The following LONP2 variants were observed in gnomAD, a reference collection of about 807,000 sequenced individuals.
LONP2 encodes lon protease homolog 2, peroxisomal.
A neutral mutation model predicts 85.6 loss-of-function variants in LONP2; 60 were observed. That is an observed-to-expected ratio of 0.70 (90% confidence interval 0.57 to 0.87). The LOEUF (loss-of-function observed/expected upper bound fraction) is 0.87, where lower values mean the gene tolerates loss of function less well. Ranked by LOEUF, LONP2 falls within the 40% of genes least tolerant of loss-of-function variation. LONP2 has a pLI of 0.00. For missense variants in LONP2, 860 were observed against 1,063.5 expected (o/e 0.81, Z 2.66); for synonymous variants, 395 against 389.7 (o/e 1.01, Z -0.16).
rs1292681577 is a variant in LONP2, at chr16:48,277,381, T to G, written c.1285T>G (p.Leu429Val). 1 of 1,613,656 alleles carries G rather than the reference T, an allele frequency of 6.2e-7. No homozygotes were observed. Among genetic ancestry groups the G allele is most frequent in the South Asian group, 1.1e-5 (1 of 91,058 alleles). ...GSMPGRIING[L>V]KTVGVNNPVF... Reference sequence around the variant, plus strand: ...CATGCCTGGTCGCATCATCAACGGCTTGAAGACTGTGGGAGTGAACAACCC... The same window carrying G: ...CATGCCTGGTCGCATCATCAACGGCGTGAAGACTGTGGGAGTGAACAACCC... The change falls in exon 8 of 15, where the codon TTG becomes GTG. Residue 429 changes from leucine (L) to valine (V), a missense_variant. Around this residue, in one of 3 missense-constraint regions of LONP2, gnomAD observed 743 missense variants for 917.3 expected, o/e 0.81. Coordinates refer to ENST00000285737, the MANE Select transcript of LONP2 (RefSeq NM_031490.5).
chr16:48,328,814 C>T (rs1354217519), intron 11 of LONP2, among the ~76,000 whole-genome samples: 2 of 147,284 alleles, frequency 1.4e-5, no homozygotes, highest in African/African-American at 5.1e-5. Context: ...CACTACGCTC[C>T]AGCCTCTGTC....
At chr16:48,340,280 C>T (rs1041457048) in intron 12 of LONP2, among the ~76,000 whole-genome samples, 4 of 152,140 alleles carry the variant, frequency 2.6e-5, no homozygotes, top group African/African-American at 4.8e-5. Context: ...AGCATGTGCA[C>T]GTTATCACAG....
chr16:48,304,284 T>G (rs1972866677), intron 11 of LONP2, among the ~76,000 whole-genome samples: 1 of 152,256 alleles, frequency 6.6e-6, no homozygotes, highest in African/African-American at 2.4e-5. Flanking sequence ...TGTAATAATT[T>G]TTCACACATT....
intron 11 of LONP2, among the ~76,000 whole-genome samples, chr16:48,330,478 A>C (rs895815217): frequency 2.0e-5 from 3 of 152,246 alleles, no homozygotes; most frequent in African/African-American, 7.2e-5. Flanking sequence ...GACAGAGAAC[A>C]TGGTACTAGG....
At position 48,352,957 on chromosome 16, in the gene LONP2, A is replaced by G. The variant is rs1364302130; in HGVS notation, c.*1155A>G. On this transcript the variant is annotated 3_prime_UTR_variant, in exon 15 of 15. Coordinates refer to ENST00000285737, the MANE Select transcript of LONP2 (RefSeq NM_031490.5). ...GCCCATGTGCTCCTGCTGGGACTCAATTCAGGCTATGTATGACTATGAAGT... is the reference window on the plus strand; with the variant it reads ...GCCCATGTGCTCCTGCTGGGACTCAGTTCAGGCTATGTATGACTATGAAGT... 2 of 152,202 alleles carry G rather than the reference A, an allele frequency of 1.3e-5. No homozygotes were observed. The highest frequency in any genetic ancestry group is 1.9e-4 in the East Asian group (1 of 5,186). The allele number at this position is 152,202 out of a possible 1,614,324, so 9.4% of individuals were successfully genotyped here. A position where few individuals can be genotyped will look rare whatever the true frequency, so the allele number is the denominator to read the frequency against.
intron 3 of LONP2, among the ~76,000 whole-genome samples, 183 bp from the exon 4 acceptor site, chr16:48,258,435 A>G (rs1203759834): frequency 6.6e-6 from 1 of 151,854 alleles, no homozygotes; most frequent in East Asian, 1.9e-4. Flanking sequence ...AAGGATTCTG[A>G]TATTCATCTC....
intron 2 of LONP2, among the ~76,000 whole-genome samples, chr16:48,254,075 G>A (rs1236543024): frequency 6.6e-6 from 1 of 152,024 alleles, no homozygotes; most frequent in Admixed American, 6.6e-5. Flanking sequence ...TAGTTCTTCT[G>A]TCTTGAACCT....
intron 11 of LONP2, among the ~76,000 whole-genome samples, chr16:48,322,014 G>T (rs1285926056): frequency 6.8e-6 from 1 of 147,310 alleles, no homozygotes. Flanking sequence ...TTGAACTCTT[G>T]GGCTCAAGTG....
intron 11 of LONP2, among the ~76,000 whole-genome samples, chr16:48,305,557 AT>A (rs1972896973): frequency 6.6e-6 from 1 of 151,908 alleles, no homozygotes. Context: ...GCCTGGCTTT[AT>A]TTTTATTTTT....
At position 48,352,918 on chromosome 16, in the gene LONP2, T is replaced by C. The variant is rs922720497; in HGVS notation, c.*1116T>C. On this transcript the variant is annotated 3_prime_UTR_variant, in exon 15 of 15. Transcript: ENST00000285737. ...GCTTGGCTACGCCAGTTCCCAAATCTGGTAGATGTCCATGCCCATGTGCTC... is the reference window on the plus strand; with the variant it reads ...GCTTGGCTACGCCAGTTCCCAAATCCGGTAGATGTCCATGCCCATGTGCTC... The C allele has an allele frequency of 4.6e-5, 7 of 152,270 alleles. No homozygotes were observed. Among genetic ancestry groups the C allele is most frequent in the African/African-American group, 1.7e-4 (7 of 41,476 alleles). The allele number at this position is 152,270 out of a possible 1,614,324, so 9.4% of individuals were successfully genotyped here.
chr16:48,294,265 T>G (rs1199685849), intron 8 of LONP2, among the ~76,000 whole-genome samples: 6 of 152,170 alleles, frequency 3.9e-5, no homozygotes, highest in Non-Finnish European at 7.4e-5. Context: ...AGATGATTAG[T>G]AGATAGTAAG....
At chr16:48,298,206 C>T (rs552554263) in intron 9 of LONP2, among the ~76,000 whole-genome samples, 36 of 152,050 alleles carry the variant, frequency 2.4e-4, no homozygotes, top group African/African-American at 3.4e-4. Flanking sequence ...TTTAGCTGTC[C>T]GATCTTCTAG....
chr16:48,246,749 A>AT (rs1971411221), intron 1 of LONP2, among the ~76,000 whole-genome samples: 1 of 151,864 alleles, frequency 6.6e-6, no homozygotes, highest in Non-Finnish European at 1.5e-5. Context: ...TAATTTTTAA[A>AT]TTTTTTGTAG....
intron 2 of LONP2, among the ~76,000 whole-genome samples, chr16:48,255,515 A>G (rs1021748059): frequency 1.3e-5 from 2 of 152,192 alleles, no homozygotes; most frequent in African/African-American, 2.4e-5. Context: ...GGCATAATCT[A>G]TCTTAACTCC....
chr16:48,302,647 G>A (rs1307708553), intron 10 of LONP2, among the ~76,000 whole-genome samples: 1 of 152,198 alleles, frequency 6.6e-6, no homozygotes. Context: ...TCTTCCTTTA[G>A]AAATCTTCAC....
chr16:48,313,793 A>C (rs1973084714), intron 11 of LONP2, among the ~76,000 whole-genome samples: 1 of 151,604 alleles, frequency 6.6e-6, no homozygotes, highest in Admixed American at 6.6e-5. Context: ...GAATATATAT[A>C]AATCATTCTG....
intron 10 of LONP2, among the ~76,000 whole-genome samples, chr16:48,301,194 T>A (rs1972796678): frequency 6.6e-6 from 1 of 152,170 alleles, no homozygotes; most frequent in Non-Finnish European, 1.5e-5. Flanking sequence ...TTGTGATAAG[T>A]CACAGTCATA....
chr16:48,277,324 C>G lies in LONP2; in HGVS notation c.1242-14C>G, dbSNP rs763967161. ...GACATCTCACACTGTGAATGTGCTA[C>G]TTGCTTTCTCTAGGCGCACCTATGT... On this transcript the variant is annotated splice_polypyrimidine_tract_variant and intron_variant, in intron 7 of 14. Coordinates refer to ENST00000285737, the MANE Select transcript of LONP2 (RefSeq NM_031490.5). The G allele has an allele frequency of 3.1e-6, 5 of 1,610,640 alleles. No individual in the cohort carries two copies. The Admixed American group carries it at 8.4e-5, about 27-fold the overall frequency.
intron 8 of LONP2, among the ~76,000 whole-genome samples, chr16:48,293,849 G>A (rs1223651106): frequency 6.6e-5 from 10 of 152,162 alleles, no homozygotes; most frequent in Non-Finnish European, 1.0e-4. Flanking sequence ...TCAAGTTTGC[G>A]TCAAAAGAAG....
Sources: gnomAD v4.1 joint callset for allele counts (sites outside exome capture counted in the v4.1 genomes callset) on GRCh38, gnomAD v4.1.1 for gene constraint, gnomAD v4.1.1 regional missense constraint, MANE v1.5 for transcripts, NCBI Gene and HGNC (gene_info 2026-07-23, HGNC 2026-07-21) for gene names.